Variants in SORCS1 observed in about 807,000 individuals in gnomAD.
The protein encoded by SORCS1 is VPS10 domain-containing receptor SorCS1.
In SORCS1, 60 loss-of-function variants were observed where a neutral mutation model predicts 146.1. The ratio of observed to expected loss-of-function variants is 0.41; its 90% confidence interval spans 0.33 to 0.51. The LOEUF (loss-of-function observed/expected upper bound fraction) is 0.51, where lower values mean the gene tolerates loss of function less well. Among genes scored for constraint, SORCS1 ranks in the 20% least tolerant of loss-of-function variants. SORCS1 has a pLI of 0.21. For synonymous variants in SORCS1, 637 were observed against 584.0 expected, an observed-to-expected ratio of 1.09 and a Z score of -1.31; for missense variants, 1,352 against 1,487.6, an observed-to-expected ratio of 0.91 and a Z score of 1.50.
At chr10:106,944,874 C>CTTTTTTTTTTTTTT (rs765355110) in intron 2 of SORCS1, among the ~76,000 whole-genome samples, 1,213 of 36,588 alleles carry the variant, frequency 0.033, 363 homozygotes, top group Middle Eastern at 0.11. Flanking sequence ...AAAGAGCCTT[C>CTTTTTTTTTTTTTT]TTTTTTTTTT....
Position 107,164,601 on chromosome 10 carries a change from G to C in SORCS1, c.-75C>G, listed in dbSNP as rs1006972121. Reference sequence around the variant, plus strand: ...GCACGAGCTCTGCGCTGGCGGCTGTGGGGGGCCGGCGCTCAGGACCCCAAC... The same window carrying C: ...GCACGAGCTCTGCGCTGGCGGCTGTCGGGGGCCGGCGCTCAGGACCCCAAC... On this transcript the variant is annotated 5_prime_UTR_variant, in exon 1 of 26. Transcript: ENST00000263054. The surrounding 1 kb of genome is among the most constrained non-coding windows in gnomAD (Gnocchi z 6.8). 5.8e-6 allele frequency: 7 copies of C among 1,213,808 alleles called. No homozygotes were observed. Among genetic ancestry groups the C allele is most frequent in the Non-Finnish European group, 7.4e-6 (7 of 951,278 alleles). 75.2% of individuals were successfully genotyped at this position (1,213,808 alleles called of 1,614,324 possible).
At chr10:106,627,063 T>C (rs1202249501) in intron 19 of SORCS1, among the ~76,000 whole-genome samples, 2 of 152,122 alleles carry the variant, frequency 1.3e-5, no homozygotes, top group Admixed American at 6.5e-5. Flanking sequence ...TTTAGAAGGG[T>C]TTCCGCAGCC....
intron 5 of SORCS1, among the ~76,000 whole-genome samples, chr10:106,758,090 T>G (rs1858792994): frequency 6.6e-6 from 1 of 152,218 alleles, no homozygotes; most frequent in Non-Finnish European, 1.5e-5. Context: ...TCAATCAGAA[T>G]TCACATACAA....
At chr10:106,976,466 G>A (rs1394648689) in intron 1 of SORCS1, among the ~76,000 whole-genome samples, 3 of 151,514 alleles carry the variant, frequency 2.0e-5, no homozygotes, top group African/African-American at 7.3e-5. Context: ...CGAGTAGCTG[G>A]GACTACAGAA....
chr10:106,594,338 CA>C (rs560916384), intron 24 of SORCS1, among the ~76,000 whole-genome samples: 89 of 152,218 alleles, frequency 5.8e-4, no homozygotes, highest in African/African-American at 2.1e-3. Flanking sequence ...TCACACATAA[CA>C]ATTATACATA....
intron 3 of SORCS1, among the ~76,000 whole-genome samples, chr10:106,777,655 G>A (rs1860554053): frequency 6.6e-6 from 1 of 152,182 alleles, no homozygotes; most frequent in African/African-American, 2.4e-5. Flanking sequence ...GCCCAATTTT[G>A]TCCAGAGCAA....
At chr10:106,675,269 T>C in intron 13 of SORCS1, 113 bp from the exon 14 acceptor site, 1 of 764,124 alleles carries the variant, frequency 1.3e-6, no homozygotes, top group Non-Finnish European at 2.1e-6. Flanking sequence ...AGCTGAGATT[T>C]TGTCAAAATG....
intron 24 of SORCS1, among the ~76,000 whole-genome samples, chr10:106,580,398 T>C (rs1448501317): frequency 6.6e-6 from 1 of 152,184 alleles, no homozygotes; most frequent in African/African-American, 2.4e-5. Flanking sequence ...TGGAAAACAC[T>C]TCTCGCCACC....
At chr10:107,177,449 C>T in the SORCS1 span, among the ~76,000 whole-genome samples, 1 of 152,086 alleles carries the variant, frequency 6.6e-6, no homozygotes, top group African/African-American at 2.4e-5. Context: ...ATTCTCATCA[C>T]CGCAAAGATC....
chr10:106,909,188 A>T (rs1952036615), intron 2 of SORCS1, among the ~76,000 whole-genome samples: 1 of 152,162 alleles, frequency 6.6e-6, no homozygotes, highest in Non-Finnish European at 1.5e-5. Flanking sequence ...TCCACAGAAC[A>T]TATGGTCTTT....
intron 1 of SORCS1, among the ~76,000 whole-genome samples, chr10:107,084,027 T>C (rs1048187140): frequency 2.6e-5 from 4 of 152,050 alleles, no homozygotes; most frequent in South Asian, 2.1e-4. Flanking sequence ...CTATACAGAA[T>C]ATTAACTAGA....
chr10:106,741,514 C>A (rs1484935461), intron 5 of SORCS1, among the ~76,000 whole-genome samples: 3 of 152,144 alleles, frequency 2.0e-5, no homozygotes, highest in Non-Finnish European at 4.4e-5. Flanking sequence ...AGGAGAATCA[C>A]CTGAACCCAG....
intron 5 of SORCS1, among the ~76,000 whole-genome samples, chr10:106,754,512 A>G (rs1026412175): frequency 2.0e-5 from 3 of 152,208 alleles, no homozygotes; most frequent in East Asian, 1.9e-4. Context: ...TGATCAATAA[A>G]CTATTTCACA....
chr10:107,107,947 G>A (rs899298064), intron 1 of SORCS1, among the ~76,000 whole-genome samples: 2 of 152,314 alleles, frequency 1.3e-5, no homozygotes, highest in South Asian at 4.1e-4. Context: ...AAACAGCTCT[G>A]AAACCCAGTT....
intron 1 of SORCS1, among the ~76,000 whole-genome samples, chr10:106,992,822 CTTTCTTTTTTTTTTTTT>C (rs1447938426): frequency 2.0e-5 from 2 of 98,794 alleles, no homozygotes; most frequent in Admixed American, 9.8e-5. Context: ...TCCTTTCTTT[CTTTCTTTTTTTTTTTTT>C]TTTTTTTTTT....
chr10:106,887,837 G>A (rs936790822), intron 2 of SORCS1, among the ~76,000 whole-genome samples: 2 of 152,022 alleles, frequency 1.3e-5, no homozygotes, highest in African/African-American at 4.8e-5. Context: ...TAACCTGTGG[G>A]CAACTTATTG....
At chr10:106,946,666 C>A (rs193121179) in intron 2 of SORCS1, among the ~76,000 whole-genome samples, 1 of 152,142 alleles carries the variant, frequency 6.6e-6, no homozygotes, top group African/African-American at 2.4e-5. Context: ...ATTAGCAGCA[C>A]GGGAACAGAC....
At chr10:106,689,685 A>C (rs1023399404) in intron 9 of SORCS1, among the ~76,000 whole-genome samples, 3 of 152,210 alleles carry the variant, frequency 2.0e-5, no homozygotes, top group Non-Finnish European at 4.4e-5. Flanking sequence ...CTGCACCTGC[A>C]GCTTTTACCC....
chr10:106,695,619 C>T (rs918401183), intron 9 of SORCS1, among the ~76,000 whole-genome samples: 2 of 152,196 alleles, frequency 1.3e-5, no homozygotes, highest in African/African-American at 4.8e-5. Flanking sequence ...AATGTATGTA[C>T]TGAATGGGAG....
Sources: gnomAD v4.1 joint callset for allele counts (sites outside exome capture counted in the v4.1 genomes callset) on GRCh38, gnomAD v4.1.1 for gene constraint, Gnocchi (gnomAD v3.1) non-coding constraint, MANE v1.5 for transcripts, NCBI Gene and HGNC (gene_info 2026-07-23, HGNC 2026-07-21) for gene names.